The following TMEM245 variants were observed in gnomAD, a reference collection of about 807,000 sequenced individuals.
The protein encoded by TMEM245 is transmembrane protein 245.
TMEM245 carries 69 observed loss-of-function variants against 101.2 expected under a neutral mutation model. That is an observed-to-expected ratio of 0.68 (90% CI 0.56 to 0.83). The LOEUF (loss-of-function observed/expected upper bound fraction) is 0.83, where lower values mean the gene tolerates loss of function less well. Among genes scored for constraint, TMEM245 ranks in the 40% least tolerant of loss-of-function variants. TMEM245 has a pLI of 0.00. For synonymous variants in TMEM245, 537 were observed against 449.8 expected, an observed-to-expected ratio of 1.19 and a Z score of -2.45; for missense variants, 1,075 against 1,092.8, an observed-to-expected ratio of 0.98 and a Z score of 0.23.
At chr9:109,056,716 T>C (rs1828850000) in intron 12 of TMEM245, among the ~76,000 whole-genome samples, 1 of 152,132 alleles carries the variant, frequency 6.6e-6, no homozygotes, top group Non-Finnish European at 1.5e-5. Flanking sequence ...CTGCCCTCTG[T>C]GAAATTCTAC....
At chr9:109,045,111 G>T (rs927786647) in intron 14 of TMEM245, among the ~76,000 whole-genome samples, 2 of 152,146 alleles carry the variant, frequency 1.3e-5, no homozygotes, top group African/African-American at 2.4e-5. Context: ...TACTTGAAAT[G>T]ATATAATTTA....
chr9:109,096,928 T>C (rs1350398522), intron 3 of TMEM245, among the ~76,000 whole-genome samples: 1 of 152,252 alleles, frequency 6.6e-6, no homozygotes, highest in Non-Finnish European at 1.5e-5. Context: ...TCTAAATGCC[T>C]ACTAAGCATT....
At chr9:109,020,538 T>A in intron 17 of TMEM245, 33 bp from the exon 18 acceptor site, 4 of 1,593,258 alleles carry the variant, frequency 2.5e-6, no homozygotes, top group Non-Finnish European at 3.4e-6. Context: ...GATTAGTTGA[T>A]TACCATAAAA....
intron 14 of TMEM245, among the ~76,000 whole-genome samples, chr9:109,046,882 T>C (rs769619120): frequency 1.4e-4 from 22 of 152,182 alleles, no homozygotes; most frequent in Non-Finnish European, 2.2e-4. Flanking sequence ...CAGGAGCTCT[T>C]AGAAAGAGAA....
At chr9:109,109,737 G>A (rs1271333234) in intron 1 of TMEM245, among the ~76,000 whole-genome samples, 1 of 151,982 alleles carries the variant, frequency 6.6e-6, no homozygotes, top group African/African-American at 2.4e-5. Flanking sequence ...TACCTAAAAG[G>A]TCAACAACTG....
Position 109,036,393 on chromosome 9 carries a change from T to TAA in TMEM245, c.2225-15_2225-14dup. On this transcript the variant is annotated splice_polypyrimidine_tract_variant and intron_variant, in intron 15 of 17. Transcript: ENST00000374586. ...ATTGCTGCTAATGCTGAAAAAAGAG[T>TAA]AAAAGAAAAACAACTTAACATCATC... 1 of 1,562,278 alleles carries TAA rather than the reference T, an allele frequency of 6.4e-7. No homozygotes were observed. Among genetic ancestry groups the TAA allele is most frequent in the Non-Finnish European group, 8.6e-7 (1 of 1,160,020 alleles).
At chr9:109,086,863 A>C (rs965081479) in intron 6 of TMEM245, among the ~76,000 whole-genome samples, 4 of 152,208 alleles carry the variant, frequency 2.6e-5, no homozygotes, top group Admixed American at 2.0e-4. Context: ...GCCACTACCT[A>C]GCTACATAAT....
chr9:109,028,508 T>C (rs1052774682), intron 17 of TMEM245, among the ~76,000 whole-genome samples: 4 of 151,824 alleles, frequency 2.6e-5, no homozygotes, highest in African/African-American at 9.7e-5. Context: ...TTGAGCATCA[T>C]GTTCCCATTC....
intron 8 of TMEM245, among the ~76,000 whole-genome samples, chr9:109,078,633 G>C (rs1451789574): frequency 1.3e-5 from 2 of 152,162 alleles, no homozygotes; most frequent in Non-Finnish European, 2.9e-5. Flanking sequence ...TCCCCTGTTT[G>C]TGATGTGTAA....
chr9:109,076,332 A>AG (rs1829498922), intron 8 of TMEM245, among the ~76,000 whole-genome samples: 1 of 142,936 alleles, frequency 7.0e-6, no homozygotes, highest in South Asian at 2.3e-4. Flanking sequence ...CTGAACAATG[A>AG]GAATACATGG....
intron 14 of TMEM245, among the ~76,000 whole-genome samples, chr9:109,045,053 C>T (rs575412231): frequency 4.1e-4 from 63 of 152,316 alleles, no homozygotes; most frequent in African/African-American, 1.5e-3. Context: ...AGCCACCGTA[C>T]CTGGCCTCAT....
chr9:109,099,770 T>C (rs1830237488), intron 3 of TMEM245, among the ~76,000 whole-genome samples: 1 of 152,160 alleles, frequency 6.6e-6, no homozygotes. Context: ...GTTTGAGTGT[T>C]TGTGCTCCAA....
chr9:109,097,158 A>G (rs72760365), intron 3 of TMEM245, among the ~76,000 whole-genome samples: 1 of 152,184 alleles, frequency 6.6e-6, no homozygotes, highest in Non-Finnish European at 1.5e-5. Flanking sequence ...TTTTAACAAA[A>G]GTAAGCTAGA....
intron 14 of TMEM245, among the ~76,000 whole-genome samples, chr9:109,043,961 T>C (rs1249674296): frequency 6.6e-6 from 1 of 152,096 alleles, no homozygotes; most frequent in Admixed American, 6.5e-5. Flanking sequence ...TAAAGCCTAC[T>C]GTATATTTAT....
intron 12 of TMEM245, among the ~76,000 whole-genome samples, chr9:109,053,781 C>T (rs557139079): frequency 1.8e-4 from 27 of 152,158 alleles, no homozygotes; most frequent in Non-Finnish European, 3.5e-4. Flanking sequence ...GAGATTCAAA[C>T]GCAACAGTTT....
chr9:109,113,171 A>G (rs1363915749), intron 1 of TMEM245, among the ~76,000 whole-genome samples: 2 of 152,248 alleles, frequency 1.3e-5, no homozygotes. Flanking sequence ...TGTAACAAGC[A>G]TATTTTACTT....
chr9:109,031,492 A>G, intron 17 of TMEM245, among the ~76,000 whole-genome samples: 1 of 152,204 alleles, frequency 6.6e-6, no homozygotes, highest in Non-Finnish European at 1.5e-5. Context: ...TACACTGTTG[A>G]GCAATGAGGA....
chr9:109,056,559 T>G (rs542231720), intron 12 of TMEM245, among the ~76,000 whole-genome samples: 1 of 151,118 alleles, frequency 6.6e-6, no homozygotes, highest in Admixed American at 6.6e-5. Flanking sequence ...GAAATTGCAG[T>G]AAACTGAGAT....
chr9:109,068,226 C>A (rs1251943203), intron 9 of TMEM245, among the ~76,000 whole-genome samples: 1 of 151,832 alleles, frequency 6.6e-6, no homozygotes, highest in East Asian at 1.9e-4. Context: ...AAAAATTAGC[C>A]GGGCGTGGTG....
Sources: gnomAD v4.1 joint callset for allele counts (sites outside exome capture counted in the v4.1 genomes callset) on GRCh38, gnomAD v4.1.1 for gene constraint, MANE v1.5 for transcripts, NCBI Gene and HGNC (gene_info 2026-07-23, HGNC 2026-07-21) for gene names.